SNX29: variants seen among roughly 807,000 people sequenced by gnomAD.
The protein encoded by SNX29 is sorting nexin-29.
A neutral mutation model predicts 102.1 loss-of-function variants in SNX29; 78 were observed. The observed-to-expected ratio is 0.76, with a 90% CI of 0.64 to 0.92. The LOEUF (loss-of-function observed/expected upper bound fraction) is 0.92. SNX29 is among the 40% of genes least tolerant of loss of function. The pLI is 0.00. For missense variants in SNX29, 1,280 were observed against 1,061.7 expected (o/e 1.21, Z -2.86); for synonymous variants, 580 against 414.5 (o/e 1.40, Z -4.85).
intron 18 of SNX29, among the ~76,000 whole-genome samples, chr16:12,468,598 T>C (rs2087186995): frequency 6.6e-6 from 1 of 151,986 alleles, no homozygotes; most frequent in South Asian, 2.1e-4. Flanking sequence ...TGTGTTTCTA[T>C]GGGTGATTAT....
intron 19 of SNX29, among the ~76,000 whole-genome samples, chr16:12,510,963 CA>C (rs1271082108): frequency 6.6e-6 from 1 of 151,842 alleles, no homozygotes; most frequent in Non-Finnish European, 1.5e-5. Context: ...CCTTCTTGAG[CA>C]AAAGCACTCC....
intron 1 of SNX29, among the ~76,000 whole-genome samples, chr16:11,982,042 T>TAA (rs548031551): frequency 5.0e-5 from 7 of 138,992 alleles, no homozygotes; most frequent in African/African-American, 1.3e-4. Context: ...TCATCTCAAT[T>TAA]AAAAAAAAAA....
At chr16:12,510,101 C>G (rs1417626297) in intron 19 of SNX29, among the ~76,000 whole-genome samples, 1 of 152,226 alleles carries the variant, frequency 6.6e-6, no homozygotes, top group East Asian at 1.9e-4. Context: ...ACTGTTGATT[C>G]TGTTTTTGGA....
intron 13 of SNX29, among the ~76,000 whole-genome samples, chr16:12,171,424 CA>C (rs1252449326): frequency 2.0e-5 from 3 of 152,164 alleles, no homozygotes; most frequent in African/African-American, 4.8e-5. Flanking sequence ...GAAGTCATAC[CA>C]GAGCATGGGC....
At chr16:12,352,077 G>T (rs1306738308) in intron 15 of SNX29, among the ~76,000 whole-genome samples, 1 of 152,124 alleles carries the variant, frequency 6.6e-6, no homozygotes, top group Non-Finnish European at 1.5e-5. Context: ...TAAATCGAAG[G>T]TGAGTGATTT....
Position 12,209,647 on chromosome 16 carries a change from G to A in SNX29, c.1678+9964G>A, listed in dbSNP as rs975289931. Among the ~76,000 whole-genome samples the A allele has an allele frequency of 4.6e-5, 7 of 152,162 alleles. No individual in the cohort carries two copies. In the East Asian group the frequency reaches 1.3e-3, roughly 29 times the overall value. Reference sequence around the variant, plus strand: ...GATGCTCCTGGGCCACCAGCTGCGTGTTTGACTGCTCTATAGTCTCATCAG... The same window carrying A: ...GATGCTCCTGGGCCACCAGCTGCGTATTTGACTGCTCTATAGTCTCATCAG... On this transcript the variant is annotated intron_variant, in intron 14 of 20. Coordinates refer to ENST00000566228, the MANE Select transcript of SNX29 (RefSeq NM_032167.5).
At chr16:11,992,137 G>A (rs2055877568) in intron 1 of SNX29, among the ~76,000 whole-genome samples, 1 of 151,944 alleles carries the variant, frequency 6.6e-6, no homozygotes, top group South Asian at 2.1e-4. Flanking sequence ...TTTACAAAAC[G>A]TACAAAATTA....
intron 17 of SNX29, among the ~76,000 whole-genome samples, chr16:12,399,304 G>T (rs1252559962): frequency 6.6e-6 from 1 of 152,046 alleles, no homozygotes; most frequent in South Asian, 2.1e-4. Flanking sequence ...CACCCACCTC[G>T]GCCTCCCAAA....
At chr16:12,568,299 G>A (rs1309046963) in intron 20 of SNX29, among the ~76,000 whole-genome samples, 2 of 32,222 alleles carry the variant, frequency 6.2e-5, no homozygotes, top group African/African-American at 1.3e-4. Flanking sequence ...GCCTCGGAGT[G>A]CTGTTAAAAA....
chr16:12,048,619 TG>T lies in SNX29; in HGVS notation c.748+1del. On this transcript the variant is annotated frameshift_variant and splice_region_variant, in exon 7 of 21. Coordinates refer to ENST00000566228, the MANE Select transcript of SNX29 (RefSeq NM_032167.5). LOFTEE classifies it high-confidence loss of function. ...LPVVSRNVSA[D>X]AKCKKERKKK... is the part of the protein sequence containing the mutation. ...CTGTCGTGTCCAGGAATGTCAGTGC[TG>T]GTGAGTGGGAACGGGTGCTCGAGGC... 6.2e-7 allele frequency: 1 copy of T among 1,613,926 alleles called. No homozygotes were observed. Among genetic ancestry groups the T allele is most frequent in the Non-Finnish European group, 8.5e-7 (1 of 1,179,858 alleles).
chr16:12,329,276 CAA>C (rs55968518), intron 15 of SNX29, among the ~76,000 whole-genome samples: 2,114 of 88,812 alleles, frequency 0.024, 25 homozygotes, highest in Non-Finnish European at 0.033. Flanking sequence ...GACCTTGTCT[CAA>C]AAAAAAAAAA....
intron 20 of SNX29, among the ~76,000 whole-genome samples, chr16:12,532,775 C>T (rs1394166403): frequency 6.6e-6 from 1 of 152,160 alleles, no homozygotes; most frequent in African/African-American, 2.4e-5. Flanking sequence ...GCCTGGAGTC[C>T]ATGGGGCAGA....
chr16:12,045,994 T>G (rs1233975894), intron 5 of SNX29, among the ~76,000 whole-genome samples: 1 of 152,088 alleles, frequency 6.6e-6, no homozygotes, highest in Non-Finnish European at 1.5e-5. Flanking sequence ...TCTGAAATGG[T>G]CTCTTCTTGT....
chr16:12,260,041 A>G (rs1204988064), intron 14 of SNX29, among the ~76,000 whole-genome samples: 1 of 152,206 alleles, frequency 6.6e-6, no homozygotes, highest in African/African-American at 2.4e-5. Context: ...GACAGCTGCC[A>G]CATTGAGGCT....
At chr16:12,134,640 C>G (rs2054593424) in intron 13 of SNX29, among the ~76,000 whole-genome samples, 1 of 152,184 alleles carries the variant, frequency 6.6e-6, no homozygotes, top group Non-Finnish European at 1.5e-5. Context: ...TTGGAGGTGA[C>G]ACATGATTGC....
At chr16:12,238,416 C>A (rs888247121) in intron 14 of SNX29, among the ~76,000 whole-genome samples, 7 of 152,198 alleles carry the variant, frequency 4.6e-5, no homozygotes, top group Middle Eastern at 6.8e-3. Flanking sequence ...GCCTCCGCCC[C>A]CCGAGTTCAA....
intron 15 of SNX29, among the ~76,000 whole-genome samples, chr16:12,298,782 G>T (rs2080065191): frequency 6.6e-6 from 1 of 152,142 alleles, no homozygotes; most frequent in Admixed American, 6.5e-5. Flanking sequence ...GGGCCCAGGG[G>T]TGACGATGTG....
intron 15 of SNX29, among the ~76,000 whole-genome samples, chr16:12,328,194 C>G (rs2081180636): frequency 6.6e-6 from 1 of 152,214 alleles, no homozygotes; most frequent in Non-Finnish European, 1.5e-5. Context: ...CCTCAATAAA[C>G]TCTAGTTGTT....
At chr16:12,125,605 CTTTT>C (rs36212472) in intron 11 of SNX29, among the ~76,000 whole-genome samples, 3 of 45,404 alleles carry the variant, frequency 6.6e-5, no homozygotes, top group Admixed American at 2.8e-4. Context: ...TGAGATCTCT[CTTTT>C]TTTTTTTTTT....
Sources: gnomAD v4.1 joint callset for allele counts (sites outside exome capture counted in the v4.1 genomes callset) on GRCh38, gnomAD v4.1.1 for gene constraint, MANE v1.5 for transcripts, NCBI Gene and HGNC (gene_info 2026-07-23, HGNC 2026-07-21) for gene names.